ZFYVE26: variants seen among roughly 807,000 people sequenced by gnomAD.
ZFYVE26 encodes the protein zinc finger FYVE-type containing 26, also known as zinc finger FYVE domain-containing protein 26.
ZFYVE26 carries 181 observed loss-of-function variants against 276.5 expected under a neutral mutation model. That is an observed-to-expected ratio of 0.65 (90% CI 0.58 to 0.74). The LOEUF is 0.74. ZFYVE26 is among the 30% of genes least tolerant of loss of function. The pLI, the probability that ZFYVE26 is intolerant of heterozygous loss-of-function variation, is 0.00. For missense variants in ZFYVE26, 2,821 were observed against 3,097.9 expected (o/e 0.91, Z 2.12); for synonymous variants, 1,129 against 1,203.1 (o/e 0.94, Z 1.27).
rs551364945 is a variant in ZFYVE26 at position 67,757,359 on chromosome 14, C to T, written c.6589-1214G>A. On this transcript the variant is annotated intron_variant, in intron 35 of 41. Transcript: ENST00000347230. ...GTGATTTGGCCTGTGACCTTTCTGA[C>T]TTTATCTGATAGTACCCTGTCCTAG... Among the ~76,000 whole-genome samples, 28 of 152,342 alleles carry T rather than the reference C, an allele frequency of 1.8e-4. No individual in the cohort carries two copies. The East Asian group carries it at 5.2e-3, about 28-fold the overall frequency.
chr14:67,799,104 AAGACCTAGACTAGG>A, intron 10 of ZFYVE26: 1 of 1,295,070 alleles, frequency 7.7e-7, no homozygotes. Flanking sequence ...GTGCTCACCC[AAGACCTAGACTAGG>A]AGGCGTACTG....
In ZFYVE26 at chr14:67,810,737, T is replaced by C. The variant is rs575079926; in HGVS notation, c.274-1448A>G. Among the ~76,000 whole-genome samples the C allele has an allele frequency of 5.9e-5, 9 of 152,248 alleles. No individual in the cohort carries two copies. The East Asian group carries it at 1.5e-3, about 26-fold the overall frequency. ...CCCCTTTTCCAGACACAAATAAAAA[T>C]AGCAAGAGTCTGAGACTTATCCTGA... is the stretch of plus-strand genomic sequence containing the variant. On this transcript the variant is annotated intron_variant, in intron 3 of 41. Transcript: ENST00000347230.
chr14:67,775,239 T>C (rs1475835153), intron 26 of ZFYVE26, 125 bp from the exon 27 acceptor site: 3 of 649,404 alleles, frequency 4.6e-6, no homozygotes, highest in African/African-American at 3.7e-5. Flanking sequence ...CTACTAGGTA[T>C]TAAGAGAATG....
chr14:67,790,893 G>A, intron 14 of ZFYVE26, 120 bp from the exon 15 acceptor site: 2 of 888,484 alleles, frequency 2.3e-6, no homozygotes, highest in Non-Finnish European at 3.8e-6. Flanking sequence ...TGCTTTGTAG[G>A]GTCAGAAGAG....
chr14:67,742,838 C>CTTCTTTTTTTTTTTTTTTT (rs769663149), downstream of ZFYVE26, among the ~76,000 whole-genome samples: 3 of 89,764 alleles, frequency 3.3e-5, no homozygotes, highest in Admixed American at 1.3e-4. Flanking sequence ...TCTTCTTCTT[C>CTTCTTTTTTTTTTTTTTTT]TTTTTTTTTT....
Position 67,805,271 on chromosome 14 carries a change from C to T in ZFYVE26, c.1217G>A (p.Cys406Tyr). 1 of 1,614,188 alleles carries T rather than the reference C, an allele frequency of 6.2e-7. No individual in the cohort carries two copies. The highest frequency in any genetic ancestry group is 8.5e-7 in the Non-Finnish European group (1 of 1,180,016). The change falls in exon 8 of 42, where the codon TGT becomes TAT. Residue 406 changes from cysteine (C) to tyrosine (Y), a missense_variant. Physicochemically the swap from Cys to Tyr is radical, Grantham distance 194 (BLOSUM62 -2). Coordinates refer to ENST00000347230, the MANE Select transcript of ZFYVE26 (RefSeq NM_015346.4). Reference protein sequence around the residue: ...PGCDELLRDACDGLWAHLEVL... With the variant: ...PGCDELLRDAYDGLWAHLEVL... ...CTCCAGGTGAGCCCACAACCCATCA[C>T]AGGCATCCCTGAGGAGCTCATCACA...
intron 35 of ZFYVE26, among the ~76,000 whole-genome samples, chr14:67,757,573 C>T (rs982603384): frequency 1.3e-5 from 2 of 152,194 alleles, no homozygotes; most frequent in African/African-American, 4.8e-5. Context: ...TCTTATTCAT[C>T]ATCTACAATA....
In ZFYVE26 at chr14:67,798,416, G is replaced by T. The variant is rs757482210; in HGVS notation, c.1846C>A (p.Pro616Thr). The T allele has an allele frequency of 1.9e-6, 3 of 1,613,318 alleles. No homozygotes were observed. Among genetic ancestry groups the T allele is most frequent in the Non-Finnish European group, 2.5e-6 (3 of 1,179,360 alleles). The change falls in exon 11 of 42, where the codon CCA becomes ACA. Residue 616 changes from proline to threonine, a missense_variant. Physicochemically the swap from Pro to Thr is conservative, Grantham distance 38. Coordinates refer to ENST00000347230, the MANE Select transcript of ZFYVE26 (RefSeq NM_015346.4). ...GCTATGTGCTGAGGGCTCTCTGATG[G>T]GGACCTCAAACCTGAGGGGCTCTTC... is the stretch of plus-strand genomic sequence containing the variant. Reference protein sequence around the residue: ...EGKSPSGLRSPSESPQHIAHP... With the variant: ...EGKSPSGLRSTSESPQHIAHP...
intron 3 of ZFYVE26, 102 bp from the exon 4 acceptor site, chr14:67,809,391 C>T (rs2140253975): frequency 2.9e-6 from 2 of 678,038 alleles, no homozygotes; most frequent in Non-Finnish European, 4.9e-6. Context: ...TCTGCTATTT[C>T]TCTAAGATGA....
At chr14:67,735,354 G>A (rs1207765724) in intron 13 of ZFYVE26, 1 of 751,290 alleles carries the variant, frequency 1.3e-6, no homozygotes. Context: ...GCTCAGCCTG[G>A]GCAAGGAACA....
chr14:67,780,235 C>T lies in ZFYVE26; in HGVS notation c.4674+6G>A, dbSNP rs547511829. The stretch of plus-strand genomic sequence containing the variant: ...TGAAGGGGAACACCACCCAGGAAAA[C>T]GGTACCTGTGCTTCTAGAATCATGT... On this transcript the variant is annotated splice_donor_region_variant and intron_variant, in intron 23 of 41. Transcript: ENST00000347230. 4.8e-5 allele frequency: 77 copies of T among 1,613,000 alleles called. No individual in the cohort carries two copies. The highest frequency in any genetic ancestry group is 2.7e-4 in the East Asian group (12 of 44,844).
In ZFYVE26 at chr14:67,803,963, G is replaced by C. The variant is rs114046233; in HGVS notation, c.1435+138C>G. On this transcript the variant is annotated intron_variant, in intron 9 of 41. Transcript: ENST00000347230. Reference sequence around the variant, plus strand: ...TCCCATAAACTGATTAGGACAAACAGTGCTCATTTAGAGGAGACCTCCTCA... The same window carrying C: ...TCCCATAAACTGATTAGGACAAACACTGCTCATTTAGAGGAGACCTCCTCA... 0.011 allele frequency: 12,660 copies of C among 1,109,758 alleles called. 210 individuals are homozygous for C. The highest frequency in any genetic ancestry group is 0.07 in the African/African-American group (4,557 of 65,362). 68.7% of individuals were successfully genotyped at this position (1,109,758 alleles called of 1,614,324 possible).
In ZFYVE26 at chr14:67,762,275, C is replaced by CA. The variant is rs1555394376; in HGVS notation, c.6296dup (p.Asn2100GlufsTer12). 1.2e-6 allele frequency: 2 copies of CA among 1,614,032 alleles called. No homozygotes were observed. The highest frequency in any genetic ancestry group is 8.5e-7 in the Non-Finnish European group (1 of 1,180,038). ...CCTGCACCAGCCTTGAGCCATGATT[C>CA]AGCTGATTGAGGTCAAATGGGGGCT... On this transcript the variant is annotated frameshift_variant, in exon 34 of 42. Transcript: ENST00000347230. LOFTEE classifies it high-confidence loss of function.
intron 35 of ZFYVE26, among the ~76,000 whole-genome samples, chr14:67,757,596 C>T (rs557775456): frequency 6.6e-6 from 1 of 152,206 alleles, no homozygotes; most frequent in South Asian, 2.1e-4. Context: ...TATTTTATTT[C>T]TCATGTTTAC....
In ZFYVE26 at chr14:67,789,462, C is replaced by T. The variant is rs1814057819; in HGVS notation, c.2892G>A (p.Leu964=). 1 of 1,614,186 alleles carries T rather than the reference C, an allele frequency of 6.2e-7. No individual in the cohort carries two copies. The highest frequency in any genetic ancestry group is 1.7e-5 in the Admixed American group (1 of 60,014). ...CCATGGCAGGGGGACTGAGGTCTTC[C>T]AGAACCTCTCTCAGGGGAGCAGTGG... ...VEPTAPLREV[L]EDLSPPAMAA... is the part of the protein sequence containing the mutation. Residue 964 remains leucine (L), a synonymous_variant, in exon 16 of 42, where the codon CTG becomes CTA. Transcript: ENST00000347230.
At chr14:67,753,899 G>C (rs1403589417) in intron 38 of ZFYVE26, 133 bp from the exon 39 acceptor site, 4 of 1,475,618 alleles carry the variant, frequency 2.7e-6, no homozygotes, top group South Asian at 1.1e-5. Context: ...CCAGGCACTA[G>C]GGATATAAGA....
rs747911658 is a variant in ZFYVE26, at chr14:67,762,297, G to A, written c.6275C>T (p.Pro2092Leu). The change falls in exon 34 of 42, where the codon CCC becomes CTC. Residue 2092 changes from proline (P) to leucine (L), a missense_variant. Transcript: ENST00000347230. ...AREKFSRCLKPPFDLNQLNHG... is the reference protein window; with the variant it reads ...AREKFSRCLKLPFDLNQLNHG... ...ATTCAGCTGATTGAGGTCAAATGGG[G>A]GCTTCAGACAGCGACTGAACTTCTC... 1.2e-6 allele frequency: 2 copies of A among 1,614,150 alleles called. No individual in the cohort carries two copies. Among genetic ancestry groups the A allele is most frequent in the East Asian group, 4.5e-5 (2 of 44,884 alleles).
At chr14:67,797,587 T>C in intron 12 of ZFYVE26, 85 bp downstream of exon 12, 3 of 1,437,562 alleles carry the variant, frequency 2.1e-6, no homozygotes, top group Non-Finnish European at 2.9e-6. Flanking sequence ...TTGTTGTTTT[T>C]GACCATGTGC....
chr14:67,751,799 G>A (rs1402850172), intron 40 of ZFYVE26, among the ~76,000 whole-genome samples: 1 of 152,106 alleles, frequency 6.6e-6, no homozygotes, highest in East Asian at 1.9e-4. Flanking sequence ...CGTGAACCCA[G>A]GAGGCAGAGC....
Sources: gnomAD v4.1 joint callset for allele counts (sites outside exome capture counted in the v4.1 genomes callset) on GRCh38, gnomAD v4.1.1 for gene constraint, MANE v1.5 for transcripts, NCBI Gene and HGNC (gene_info 2026-07-23, HGNC 2026-07-21) for gene names.